KLHL29: variants seen among roughly 807,000 people sequenced by gnomAD.
KLHL29 encodes the protein kelch like family member 29.
Under a neutral mutation model 80.4 loss-of-function variants are expected in KLHL29, and 21 were observed. The ratio of observed to expected loss-of-function variants is 0.26; its 90% CI spans 0.19 to 0.38. The LOEUF is 0.38. Ranked by LOEUF, KLHL29 falls within the 10% of genes least tolerant of loss-of-function variation. KLHL29 has a pLI of 1.00. For synonymous variants in KLHL29, 511 were observed against 526.8 expected (o/e 0.97, Z 0.41); for missense variants, 867 against 1,223.9 (o/e 0.71, Z 4.35).
chr2:23,626,796 C>T (rs1348704857), intron 3 of KLHL29, among the ~76,000 whole-genome samples: 1 of 152,226 alleles, frequency 6.6e-6, no homozygotes, highest in African/African-American at 2.4e-5. Flanking sequence ...CCGGACCACA[C>T]AGCACGTGCA....
Position 23,708,392 on chromosome 2 carries a change from G to A in KLHL29, c.*1728G>A, listed in dbSNP as rs1160132196. ...CTGGGGCAGGGCTAATGTTAGCATT[G>A]GTGTGCGTCTGCCTCCAAAGGAGGT... On this transcript the variant is annotated 3_prime_UTR_variant, in exon 14 of 14. Coordinates refer to ENST00000486442, the MANE Select transcript of KLHL29 (RefSeq NM_052920.2). 1 of 152,142 alleles carries A rather than the reference G, an allele frequency of 6.6e-6. No homozygotes were observed. The highest frequency in any genetic ancestry group is 1.5e-5 in the Non-Finnish European group (1 of 68,014). 9.4% of individuals were successfully genotyped at this position (152,142 alleles called of 1,614,324 possible). A position where few individuals can be genotyped will look rare whatever the true frequency, so the allele number is the denominator to read the frequency against.
At chr2:23,500,050 C>T (rs1029313370) in intron 2 of KLHL29, among the ~76,000 whole-genome samples, 2 of 152,306 alleles carry the variant, frequency 1.3e-5, no homozygotes, top group African/African-American at 4.8e-5. Flanking sequence ...AACTGTACAG[C>T]AGGCCCTGTG....
intron 2 of KLHL29, among the ~76,000 whole-genome samples, chr2:23,528,071 A>G (rs765034733): frequency 6.6e-6 from 1 of 152,128 alleles, no homozygotes; most frequent in Non-Finnish European, 1.5e-5. Flanking sequence ...GAGCTGTTGT[A>G]TTTTATTTTT....
chr2:23,618,503 C>T (rs981909624), intron 3 of KLHL29, among the ~76,000 whole-genome samples: 6 of 152,114 alleles, frequency 3.9e-5, no homozygotes, highest in Non-Finnish European at 7.3e-5. Context: ...TTCTCCTGAC[C>T]GCCTTTGAGT....
At position 23,577,780 on chromosome 2, in the gene KLHL29, G is replaced by C. The variant is rs1667881152; in HGVS notation, c.285+15299G>C. Reference sequence around the variant, plus strand: ...AAAAAAAAGAAAAGAAAGATCAGTAGGGCTTCCTGGCCAGAGTCAGGTCTG... The same window carrying C: ...AAAAAAAAGAAAAGAAAGATCAGTACGGCTTCCTGGCCAGAGTCAGGTCTG... On this transcript the variant is annotated intron_variant, in intron 3 of 13. Coordinates refer to ENST00000486442, the MANE Select transcript of KLHL29 (RefSeq NM_052920.2). 2.0e-5 allele frequency among the ~76,000 whole-genome samples: 3 copies of C among 151,826 alleles called. No individual in the cohort carries two copies. In the South Asian group the frequency reaches 6.2e-4, roughly 32 times the overall value.
In KLHL29 at chr2:23,587,499, G is replaced by A. The variant is rs567349864; in HGVS notation, c.285+25018G>A. Among the ~76,000 whole-genome samples, 234 of 152,190 alleles carry A rather than the reference G, an allele frequency of 1.5e-3. 1 individual carries two copies. Among genetic ancestry groups the A allele is most frequent in the African/African-American group, 5.1e-3 (212 of 41,524 alleles). On this transcript the variant is annotated intron_variant, in intron 3 of 13. Transcript: ENST00000486442. ...GAGCCCAGCCTCCCCCGGGCTACCC[G>A]AGTCCCCCCTCCACTGCCTGGCAGG...
At chr2:23,472,670 T>C (rs1425590794) in intron 1 of KLHL29, among the ~76,000 whole-genome samples, 7 of 152,114 alleles carry the variant, frequency 4.6e-5, no homozygotes, top group African/African-American at 1.7e-4. Context: ...TTGATAAATA[T>C]GACCATTATG....
At chr2:23,584,090 A>G (rs111452538) in intron 3 of KLHL29, among the ~76,000 whole-genome samples, 113 of 152,312 alleles carry the variant, frequency 7.4e-4, no homozygotes, top group African/African-American at 2.6e-3. Context: ...GCCTGGAGGA[A>G]ACTATACCCA....
intron 1 of KLHL29, among the ~76,000 whole-genome samples, chr2:23,440,389 A>G (rs1319053938): frequency 7.2e-5 from 11 of 151,880 alleles, no homozygotes; most frequent in Admixed American, 1.3e-4. Flanking sequence ...AAGAAAACCT[A>G]GGCATTACAA....
chr2:23,604,110 G>C (rs535408528), intron 3 of KLHL29, among the ~76,000 whole-genome samples: 6 of 152,070 alleles, frequency 3.9e-5, no homozygotes, highest in Non-Finnish European at 5.9e-5. Flanking sequence ...AGGACCATTG[G>C]ACAACTGGAA....
intron 3 of KLHL29, among the ~76,000 whole-genome samples, chr2:23,593,341 T>A (rs995374043): frequency 1.1e-4 from 16 of 152,292 alleles, no homozygotes; most frequent in African/African-American, 3.6e-4. Context: ...TGGGTTGGAT[T>A]TTTCACATTC....
chr2:23,390,409 C>T (rs959036870), intron 1 of KLHL29, among the ~76,000 whole-genome samples: 7 of 152,100 alleles, frequency 4.6e-5, no homozygotes, highest in Admixed American at 2.0e-4. Context: ...AGACGACAGC[C>T]GCTAGGCCAT....
Position 23,655,460 on chromosome 2 carries a change from C to G in KLHL29, c.940+12610C>G, listed in dbSNP as rs72792060. ...CTGTCACCGAGGAATGAGGAGCCAC[C>G]AGCACAGAGCTATAGGAACTGTCTT... On this transcript the variant is annotated intron_variant, in intron 5 of 13. Transcript: ENST00000486442. Among the ~76,000 whole-genome samples, 476 of 152,282 alleles carry G rather than the reference C, an allele frequency of 3.1e-3. 3 individuals are homozygous for G. The highest frequency in any genetic ancestry group is 5.6e-3 in the Admixed American group (85 of 15,298).
At chr2:23,452,707 C>A (rs921802245) in intron 1 of KLHL29, among the ~76,000 whole-genome samples, 1 of 152,172 alleles carries the variant, frequency 6.6e-6, no homozygotes, top group African/African-American at 2.4e-5. Flanking sequence ...TGATATACAG[C>A]AGTGCATTTA....
chr2:23,682,408 G>A lies in KLHL29; in HGVS notation c.941-1991G>A, dbSNP rs1196127816. Among the ~76,000 whole-genome samples, 3 of 152,168 alleles carry A rather than the reference G, an allele frequency of 2.0e-5. No individual in the cohort carries two copies. Among genetic ancestry groups the A allele is most frequent in the Non-Finnish European group, 4.4e-5 (3 of 68,034 alleles). Reference sequence around the variant, plus strand: ...GGTTCACCCTCAGGTCTGGCTTCGAGGCTCAACTCTCTGCACGGCGCTATC... The same window carrying A: ...GGTTCACCCTCAGGTCTGGCTTCGAAGCTCAACTCTCTGCACGGCGCTATC... On this transcript the variant is annotated intron_variant, in intron 5 of 13. Transcript: ENST00000486442. The surrounding 1 kb of genome is among the most constrained non-coding windows in gnomAD (Gnocchi z 4.1).
chr2:23,630,132 T>G (rs1247030821), intron 3 of KLHL29, among the ~76,000 whole-genome samples: 4 of 152,182 alleles, frequency 2.6e-5, no homozygotes, highest in African/African-American at 9.7e-5. Context: ...TTCACTGAAG[T>G]GCTGAGGTGG....
intron 11 of KLHL29, among the ~76,000 whole-genome samples, chr2:23,701,391 A>G (rs1384850577): frequency 6.6e-6 from 1 of 152,142 alleles, no homozygotes; most frequent in Non-Finnish European, 1.5e-5. Flanking sequence ...CTAGATGCCA[A>G]ATTTGATCAC....
At chr2:23,640,815 T>C (rs1669747453) in intron 4 of KLHL29, among the ~76,000 whole-genome samples, 5 of 152,208 alleles carry the variant, frequency 3.3e-5, no homozygotes, top group Admixed American at 3.3e-4. Flanking sequence ...GAAGGGGCGA[T>C]GCAGGCCTCG....
chr2:23,571,083 G>A (rs1054419438), intron 3 of KLHL29, among the ~76,000 whole-genome samples: 14 of 152,256 alleles, frequency 9.2e-5, no homozygotes, highest in African/African-American at 3.4e-4. Flanking sequence ...TTGCCCTCAG[G>A]AGGCTTCTCT....
Sources: gnomAD v4.1 joint callset for allele counts (sites outside exome capture counted in the v4.1 genomes callset) on GRCh38, gnomAD v4.1.1 for gene constraint, Gnocchi (gnomAD v3.1) non-coding constraint, MANE v1.5 for transcripts, NCBI Gene and HGNC (gene_info 2026-07-23, HGNC 2026-07-21) for gene names.